The following CHMP3 variants were observed in gnomAD, a reference collection of about 807,000 sequenced individuals.
CHMP3 encodes the protein charged multivesicular body protein 3.
In CHMP3, 8 loss-of-function variants were observed where a neutral mutation model predicts 27.4. The ratio of observed to expected loss-of-function variants is 0.29; its 90% CI spans 0.17 to 0.53. CHMP3 has a LOEUF of 0.53. CHMP3 is among the 20% of genes least tolerant of loss of function. The probability of loss-of-function intolerance (pLI) is 0.96; values close to 1 mark genes in which losing one functional copy is unlikely to be tolerated. For synonymous variants in CHMP3, 86 were observed against 85.5 expected (o/e 1.01, Z -0.03); for missense variants, 208 against 271.5 (o/e 0.77, Z 1.64).
chr2:86,563,079 C>T (rs887652854), intron 1 of CHMP3: 15 of 502,770 alleles, frequency 3.0e-5, no homozygotes, highest in African/African-American at 2.1e-4. Flanking sequence ...AACTCTTCAT[C>T]CACCCTCGGC....
At chr2:86,556,792 C>T (rs940968894) in intron 1 of CHMP3, among the ~76,000 whole-genome samples, 1 of 152,164 alleles carries the variant, frequency 6.6e-6, no homozygotes, top group African/African-American at 2.4e-5. Context: ...ACACCCTCCT[C>T]GGGGTCTGTG....
chr2:86,517,252 C>T lies in CHMP3; in HGVS notation c.287-6773G>A, dbSNP rs115124033. 4.8e-3 allele frequency among the ~76,000 whole-genome samples: 738 copies of T among 152,172 alleles called. 12 individuals carry two copies. Among genetic ancestry groups the T allele is most frequent in the African/African-American group, 0.017 (713 of 41,498 alleles). ...CATGTTGTAATATCAACAACTAACG[C>T]TGGAAGCAAAATAACTAAAAAATTA... On this transcript the variant is annotated intron_variant, in intron 3 of 5. Coordinates refer to ENST00000263856, the MANE Select transcript of CHMP3 (RefSeq NM_016079.4).
chr2:86,506,593 A>G (rs924875417), intron 5 of CHMP3, among the ~76,000 whole-genome samples: 8 of 150,450 alleles, frequency 5.3e-5, no homozygotes, highest in Non-Finnish European at 1.5e-5. Flanking sequence ...TATAACACAA[A>G]TGATTTTATT....
At chr2:86,524,331 T>C (rs887468360) in intron 3 of CHMP3, among the ~76,000 whole-genome samples, 3 of 152,222 alleles carry the variant, frequency 2.0e-5, no homozygotes, top group African/African-American at 7.2e-5. Flanking sequence ...TAAATACTTA[T>C]AGATGAAATT....
chr2:86,559,463 C>T (rs1677261465), intron 1 of CHMP3, among the ~76,000 whole-genome samples: 1 of 152,200 alleles, frequency 6.6e-6, no homozygotes, highest in African/African-American at 2.4e-5. Context: ...TCCATCCATC[C>T]TATTGGTTCT....
intron 3 of CHMP3, among the ~76,000 whole-genome samples, chr2:86,528,156 G>T (rs1675787453): frequency 6.6e-6 from 1 of 152,066 alleles, no homozygotes; most frequent in African/African-American, 2.4e-5. Flanking sequence ...AAAATTGAAT[G>T]TGAAGAAAAT....
At chr2:86,524,072 A>G (rs1675612829) in intron 3 of CHMP3, among the ~76,000 whole-genome samples, 1 of 152,208 alleles carries the variant, frequency 6.6e-6, no homozygotes. Flanking sequence ...GAGCCTCACA[A>G]CCTGCTTATG....
intron 1 of CHMP3, among the ~76,000 whole-genome samples, chr2:86,546,894 T>C (rs1050331147): frequency 3.9e-5 from 6 of 152,248 alleles, no homozygotes; most frequent in Admixed American, 3.9e-4. Flanking sequence ...CCTTTACTGA[T>C]ATGGGATTTG....
intron 1 of CHMP3, among the ~76,000 whole-genome samples, chr2:86,549,952 C>T (rs1351731472): frequency 2.6e-5 from 4 of 151,786 alleles, no homozygotes; most frequent in African/African-American, 4.8e-5. Context: ...TGGGCTGATA[C>T]GCTCCTCACT....
intron 3 of CHMP3, among the ~76,000 whole-genome samples, chr2:86,524,605 C>T (rs1245878275): frequency 6.6e-6 from 1 of 152,120 alleles, no homozygotes; most frequent in Admixed American, 6.6e-5. Flanking sequence ...TATGCAAATA[C>T]TACCTCATTT....
chr2:86,532,500 C>G (rs1220725173), intron 2 of CHMP3, among the ~76,000 whole-genome samples: 1 of 152,078 alleles, frequency 6.6e-6, no homozygotes, highest in Non-Finnish European at 1.5e-5. Context: ...AGTGGGTATC[C>G]TTGCCTTGTT....
chr2:86,521,701 C>T (rs1675529999), intron 3 of CHMP3, among the ~76,000 whole-genome samples: 1 of 152,162 alleles, frequency 6.6e-6, no homozygotes, highest in Non-Finnish European at 1.5e-5. Context: ...TTTTGAGGTG[C>T]TCATTTCACT....
At chr2:86,558,418 G>A (rs1475970382) in intron 1 of CHMP3, among the ~76,000 whole-genome samples, 2 of 152,162 alleles carry the variant, frequency 1.3e-5, no homozygotes, top group African/African-American at 4.8e-5. Flanking sequence ...TTGAAACATT[G>A]CTCATCTTGG....
At chr2:86,512,529 G>A (rs895960603) in intron 3 of CHMP3, 2 of 152,048 alleles carry the variant, frequency 1.3e-5, no homozygotes, top group African/African-American at 2.4e-5. Context: ...GAAAAAAGGT[G>A]TGGCAGGTAA....
chr2:86,510,492 G>A lies in CHMP3; in HGVS notation c.287-13C>T, dbSNP rs1406805982. The A allele has an allele frequency of 1.9e-6, 3 of 1,610,516 alleles. No homozygotes were observed. The Admixed American group carries it at 5.0e-5, about 27-fold the overall frequency. ...ACTCGCAAGACCGCTGAAAGAGAATGTGTACAGTCAGGATTGTTCAACAGG... is the reference window on the plus strand; with the variant it reads ...ACTCGCAAGACCGCTGAAAGAGAATATGTACAGTCAGGATTGTTCAACAGG... On this transcript the variant is annotated splice_polypyrimidine_tract_variant and intron_variant, in intron 3 of 5. Coordinates refer to ENST00000263856, the MANE Select transcript of CHMP3 (RefSeq NM_016079.4).
intron 1 of CHMP3, chr2:86,561,568 A>G (rs1372987506): frequency 6.6e-6 from 1 of 152,202 alleles, no homozygotes; most frequent in African/African-American, 2.4e-5. Context: ...ACTGCTCTAC[A>G]ATACCCAGAC....
At chr2:86,529,801 T>C (rs892120906) in intron 2 of CHMP3, among the ~76,000 whole-genome samples, 2 of 152,196 alleles carry the variant, frequency 1.3e-5, no homozygotes, top group Admixed American at 6.5e-5. Flanking sequence ...ATAAGTCTCA[T>C]ACTGGCATCA....
intron 1 of CHMP3, chr2:86,562,142 G>A (rs1348641461): frequency 6.6e-6 from 1 of 152,178 alleles, no homozygotes; most frequent in Non-Finnish European, 1.5e-5. Context: ...CTGTTCTAGG[G>A]CCTTTAACAA....
intron 1 of CHMP3, among the ~76,000 whole-genome samples, chr2:86,546,375 G>GC: frequency 6.6e-6 from 1 of 151,032 alleles, no homozygotes; most frequent in Non-Finnish European, 1.5e-5. Context: ...AGGGGAAGGG[G>GC]GGGAGGGGGA....
Sources: allele counts gnomAD v4.1 joint callset (sites outside exome capture counted in the v4.1 genomes callset), GRCh38; gene constraint gnomAD v4.1.1; transcripts MANE v1.5; gene names NCBI Gene and HGNC (gene_info 2026-07-23, HGNC 2026-07-21).